PDPR: variants seen among roughly 807,000 people sequenced by gnomAD.
The protein encoded by PDPR is pyruvate dehydrogenase phosphatase regulatory subunit, mitochondrial.
A neutral mutation model predicts 102.2 loss-of-function variants in PDPR; 50 were observed. The ratio of observed to expected loss-of-function variants is 0.49; its 90% CI spans 0.39 to 0.62. PDPR has a LOEUF of 0.62. PDPR is among the 20% of genes least tolerant of loss of function. The pLI is 0.00. For synonymous variants in PDPR, 259 were observed against 406.0 expected (o/e 0.64, Z 4.35); for missense variants, 625 against 1,098.2 (o/e 0.57, Z 6.09).
At chr16:70,131,466 C>T (rs1243070892) in intron 8 of PDPR, 47 bp downstream of exon 8, 2 of 1,469,032 alleles carry the variant, frequency 1.4e-6, no homozygotes, top group East Asian at 4.9e-5. Context: ...TTGCCAGTAT[C>T]CTGTCCTCTG....
chr16:70,150,636 T>A (rs932025380), intron 17 of PDPR, among the ~76,000 whole-genome samples: 2 of 151,832 alleles, frequency 1.3e-5, no homozygotes, highest in African/African-American at 4.8e-5. Flanking sequence ...GCCTCCTGAA[T>A]AGCTGGGACT....
At chr16:70,145,316 T>C (rs1966143931) in intron 15 of PDPR, among the ~76,000 whole-genome samples, 1 of 152,210 alleles carries the variant, frequency 6.6e-6, no homozygotes, top group Non-Finnish European at 1.5e-5. Flanking sequence ...TTCTGTATTT[T>C]TAGTAGAGAT....
chr16:70,122,765 C>A (rs1348200493), intron 3 of PDPR, among the ~76,000 whole-genome samples: 1 of 152,206 alleles, frequency 6.6e-6, no homozygotes, highest in Admixed American at 6.5e-5. Context: ...GATCATACTT[C>A]TACATTTATT....
intron 3 of PDPR, among the ~76,000 whole-genome samples, chr16:70,120,947 T>C: frequency 6.7e-6 from 1 of 148,610 alleles, no homozygotes; most frequent in Admixed American, 6.7e-5. Context: ...TTTTTTTTTT[T>C]TTTTTTTTTT....
Position 70,131,470 on chromosome 16 carries a change from T to A in PDPR, c.847+51T>A, listed in dbSNP as rs928640271. 6 of 1,470,612 alleles carry A rather than the reference T, an allele frequency of 4.1e-6. No individual in the cohort carries two copies. In the Admixed American group the frequency reaches 1.2e-4, roughly 29 times the overall value. 91.1% of individuals were successfully genotyped at this position (1,470,612 alleles called of 1,614,324 possible). On this transcript the variant is annotated intron_variant, in intron 8 of 18. Transcript: ENST00000288050. ...ATCTTGTTTCTTTGCCAGTATCCTG[T>A]CCTCTGAAAAGGAAAACTTTCTGCT...
At chr16:70,116,302 C>G (rs1363435709) in intron 2 of PDPR, among the ~76,000 whole-genome samples, 1 of 130,642 alleles carries the variant, frequency 7.7e-6, no homozygotes, top group Non-Finnish European at 1.7e-5. Flanking sequence ...GTCTCAAACT[C>G]CTGACCTCAA....
At chr16:70,140,545 G>A (rs866634909) in intron 11 of PDPR, among the ~76,000 whole-genome samples, 4 of 152,110 alleles carry the variant, frequency 2.6e-5, no homozygotes, top group Non-Finnish European at 4.4e-5. Context: ...GGCGCCAGGC[G>A]CAGTGGCTCA....
In PDPR at chr16:70,124,524, A is replaced by C. The variant is rs538705510; in HGVS notation, c.228-2736A>C. ...AGAATCAGCTGGGGAGCTTTTAACAATTACCAGTGCCCAGACCTCTCCCCA... is the reference window on the plus strand; with the variant it reads ...AGAATCAGCTGGGGAGCTTTTAACACTTACCAGTGCCCAGACCTCTCCCCA... On this transcript the variant is annotated intron_variant, in intron 3 of 18. Coordinates refer to ENST00000288050, the MANE Select transcript of PDPR (RefSeq NM_017990.5). Among the ~76,000 whole-genome samples the C allele has an allele frequency of 1.4e-4, 22 of 152,386 alleles. No individual in the cohort carries two copies. The East Asian group carries it at 2.9e-3, about 20-fold the overall frequency.
chr16:70,151,930 TG>T (rs1483387437), intron 17 of PDPR, among the ~76,000 whole-genome samples: 1 of 152,286 alleles, frequency 6.6e-6, no homozygotes, highest in Non-Finnish European at 1.5e-5. Context: ...GAGTAAATGG[TG>T]GGGACCCACT....
intron 11 of PDPR, among the ~76,000 whole-genome samples, 184 bp from the exon 12 acceptor site, chr16:70,142,050 A>C (rs1179309605): frequency 2.0e-5 from 3 of 152,068 alleles, no homozygotes; most frequent in Admixed American, 6.6e-5. Flanking sequence ...CAGTAAGCCG[A>C]GATTGTGCCA....
chr16:70,141,309 C>T (rs1239789122), intron 11 of PDPR, among the ~76,000 whole-genome samples: 21 of 152,278 alleles, frequency 1.4e-4, no homozygotes, highest in African/African-American at 5.1e-4. Flanking sequence ...ACCTCGACCT[C>T]TCAGTGCTGG....
At position 70,156,978 on chromosome 16, in the gene PDPR, C is replaced by G. The variant is rs1450158761; in HGVS notation, c.*99C>G. ...TTCCGCCTCTGTTCCTCTTCTGGAG[C>G]CTTTGCCTCCCATCTCTTATCTCCT... On this transcript the variant is annotated 3_prime_UTR_variant, in exon 19 of 19. Coordinates refer to ENST00000288050, the MANE Select transcript of PDPR (RefSeq NM_017990.5). 1.0e-5 allele frequency: 15 copies of G among 1,474,426 alleles called. No individual in the cohort carries two copies. The Admixed American group carries it at 2.5e-4, about 25-fold the overall frequency. 91.3% of individuals were successfully genotyped at this position (1,474,426 alleles called of 1,614,324 possible).
intron 17 of PDPR, 35 bp downstream of exon 17, chr16:70,148,588 T>C (rs764856939): frequency 1.5e-5 from 3 of 206,428 alleles, no homozygotes; most frequent in East Asian, 1.3e-4. Context: ...TTCCCTTCAC[T>C]TCCCTTCCCT....
chr16:70,132,755 C>G (rs1286224952), intron 9 of PDPR, among the ~76,000 whole-genome samples: 11 of 152,116 alleles, frequency 7.2e-5, no homozygotes, highest in Non-Finnish European at 1.3e-4. Flanking sequence ...TCCCAAAGTG[C>G]TAAGATTACA....
chr16:70,136,582 C>T (rs1428011231), intron 10 of PDPR, among the ~76,000 whole-genome samples, 196 bp downstream of exon 10: 9 of 152,048 alleles, frequency 5.9e-5, no homozygotes, highest in Non-Finnish European at 1.0e-4. Context: ...GAAATGTCAT[C>T]GGGCAAAATG....
In PDPR at chr16:70,127,271, G is replaced by T. The variant is rs765942439; in HGVS notation, c.239G>T (p.Gly80Val). Residue 80 changes from glycine (G) to valine (V), a missense_variant, in exon 4 of 19, where the codon GGC (glycine) becomes GTC (valine). By Grantham distance (109) the Gly-to-Val change is moderately radical. Coordinates refer to ENST00000288050, the MANE Select transcript of PDPR (RefSeq NM_017990.5). ...CATCCATCCTGCAGGCTGGCTGCTG[G>T]CTCTACCAGGTTCTGTGCTGGCATC... ...VLLEQGRLAA[G>V]STRFCAGILS... 17 of 1,599,456 alleles carry T rather than the reference G, an allele frequency of 1.1e-5. No homozygotes were observed. The highest frequency in any genetic ancestry group is 1.3e-5 in the African/African-American group (1 of 74,552).
intron 2 of PDPR, among the ~76,000 whole-genome samples, chr16:70,116,658 C>T (rs1453799604): frequency 1.3e-5 from 2 of 150,842 alleles, no homozygotes; most frequent in African/African-American, 2.4e-5. Flanking sequence ...CAATGGTGGC[C>T]GCACCATGAG....
intron 16 of PDPR, among the ~76,000 whole-genome samples, chr16:70,146,544 T>C (rs1966255996): frequency 8.1e-6 from 1 of 123,784 alleles, no homozygotes; most frequent in Non-Finnish European, 1.7e-5. Flanking sequence ...GCTTGAACTC[T>C]GGAGGCAGAG....
intron 3 of PDPR, among the ~76,000 whole-genome samples, chr16:70,126,508 C>T (rs1186069948): frequency 1.5e-4 from 23 of 152,226 alleles, no homozygotes; most frequent in Admixed American, 1.3e-3. Flanking sequence ...GGACTACAGG[C>T]GCCTGCCACA....
Sources: allele counts gnomAD v4.1 joint callset (sites outside exome capture counted in the v4.1 genomes callset), GRCh38; gene constraint gnomAD v4.1.1; transcripts MANE v1.5; gene names NCBI Gene and HGNC (gene_info 2026-07-23, HGNC 2026-07-21).